RCAN2: variants seen among roughly 807,000 people sequenced by gnomAD.
The protein encoded by RCAN2 is calcipressin-2.
In RCAN2, 9 loss-of-function variants were observed where a neutral mutation model predicts 23.6. The observed-to-expected ratio is 0.38, with a 90% CI of 0.23 to 0.67. The LOEUF (loss-of-function observed/expected upper bound fraction) is 0.67. Ranked by LOEUF, RCAN2 falls within the 30% of genes least tolerant of loss-of-function variation. The pLI is 0.51. For synonymous variants in RCAN2, 109 were observed against 115.7 expected (o/e 0.94, Z 0.37); for missense variants, 273 against 302.3 (o/e 0.90, Z 0.72).
At chr6:46,307,078 A>T (rs902255392) in intron 2 of RCAN2, among the ~76,000 whole-genome samples, 1 of 152,118 alleles carries the variant, frequency 6.6e-6, no homozygotes, top group African/African-American at 2.4e-5. Flanking sequence ...CCCATGCAGA[A>T]CTAGCTTGTG....
intron 2 of RCAN2, among the ~76,000 whole-genome samples, chr6:46,255,125 G>C (rs763720544): frequency 1.3e-5 from 2 of 152,290 alleles, no homozygotes; most frequent in Non-Finnish European, 2.9e-5. Context: ...CAGCCTTGCA[G>C]ACCTACAGAA....
chr6:46,329,728 G>A (rs955594579), intron 2 of RCAN2, among the ~76,000 whole-genome samples: 2 of 152,156 alleles, frequency 1.3e-5, no homozygotes, highest in African/African-American at 2.4e-5. Flanking sequence ...GTCCTTTCCA[G>A]CTGAAGTGGC....
chr6:46,287,341 CACTT>C (rs991506402), intron 2 of RCAN2, among the ~76,000 whole-genome samples: 3 of 152,196 alleles, frequency 2.0e-5, no homozygotes, highest in Admixed American at 6.5e-5. Flanking sequence ...GTTATACAAA[CACTT>C]ACGTAGCCCA....
chr6:46,273,389 G>T (rs1296030733), intron 2 of RCAN2, among the ~76,000 whole-genome samples: 1 of 152,138 alleles, frequency 6.6e-6, no homozygotes, highest in Non-Finnish European at 1.5e-5. Flanking sequence ...TAGCACTTCA[G>T]GGTTTAAAAG....
chr6:46,418,701 A>ATG (rs973447604), intron 2 of RCAN2, among the ~76,000 whole-genome samples: 3 of 92,954 alleles, frequency 3.2e-5, no homozygotes, highest in Non-Finnish European at 6.2e-5. Context: ...GTGTGTATAT[A>ATG]TATATATATA....
At chr6:46,254,646 T>A (rs903538360) in intron 2 of RCAN2, among the ~76,000 whole-genome samples, 3 of 152,094 alleles carry the variant, frequency 2.0e-5, no homozygotes, top group Admixed American at 1.3e-4. Context: ...GAAACACTTA[T>A]TGGCTGAAGA....
intron 4 of RCAN2, among the ~76,000 whole-genome samples, chr6:46,224,936 C>A (rs1051936377): frequency 1.3e-5 from 2 of 151,726 alleles, no homozygotes; most frequent in African/African-American, 4.8e-5. Context: ...CCCCCCCTTC[C>A]CCCACCCCAT....
intron 2 of RCAN2, among the ~76,000 whole-genome samples, chr6:46,410,798 T>C (rs1766529345): frequency 6.6e-6 from 1 of 152,204 alleles, no homozygotes; most frequent in Non-Finnish European, 1.5e-5. Flanking sequence ...ATTTCAAAAA[T>C]ATTCAGTTTT....
At chr6:46,335,974 A>T (rs1485621334) in intron 2 of RCAN2, among the ~76,000 whole-genome samples, 1 of 152,222 alleles carries the variant, frequency 6.6e-6, no homozygotes, top group Non-Finnish European at 1.5e-5. Flanking sequence ...TTGCCCAAGG[A>T]CAACTAGCTG....
intron 2 of RCAN2, among the ~76,000 whole-genome samples, chr6:46,380,359 G>T (rs1311825705): frequency 1.3e-5 from 2 of 152,184 alleles, no homozygotes; most frequent in Admixed American, 1.3e-4. Flanking sequence ...GTGAAAAAAA[G>T]TTCAGTTTCC....
chr6:46,335,410 G>A (rs375936952), intron 2 of RCAN2, among the ~76,000 whole-genome samples: 5 of 152,084 alleles, frequency 3.3e-5, no homozygotes, highest in South Asian at 2.1e-4. Context: ...ACCCAATTCA[G>A]GTATTGTTTC....
At chr6:46,247,372 T>C (rs1039275541) in intron 3 of RCAN2, among the ~76,000 whole-genome samples, 1 of 152,198 alleles carries the variant, frequency 6.6e-6, no homozygotes, top group Non-Finnish European at 1.5e-5. Context: ...CACTTGAAAG[T>C]GAACAGTTCA....
chr6:46,366,507 CT>C (rs1465514924), intron 2 of RCAN2, among the ~76,000 whole-genome samples: 1 of 152,186 alleles, frequency 6.6e-6, no homozygotes, highest in Non-Finnish European at 1.5e-5. Context: ...CTTCCCAAAA[CT>C]TTTCAATTAG....
intron 2 of RCAN2, among the ~76,000 whole-genome samples, chr6:46,377,962 G>T (rs748163209): frequency 6.6e-6 from 1 of 152,096 alleles, no homozygotes; most frequent in African/African-American, 2.4e-5. Context: ...AGGATTAAAA[G>T]GTCACTACAA....
intron 2 of RCAN2, among the ~76,000 whole-genome samples, chr6:46,312,228 A>G (rs532155985): frequency 6.6e-6 from 1 of 152,282 alleles, no homozygotes; most frequent in South Asian, 2.1e-4. Flanking sequence ...TCTTTCTCCT[A>G]GCGTGGTATA....
intron 2 of RCAN2, among the ~76,000 whole-genome samples, chr6:46,449,023 G>A (rs1767797456): frequency 6.6e-6 from 1 of 151,802 alleles, no homozygotes; most frequent in South Asian, 2.1e-4. Context: ...AAACTGGAAA[G>A]GAAGAAGTTA....
intron 2 of RCAN2, among the ~76,000 whole-genome samples, chr6:46,374,855 G>GA (rs71536384): frequency 0.012 from 1,853 of 151,192 alleles, 18 homozygotes; most frequent in Non-Finnish European, 0.02. Flanking sequence ...GCTGGCAAAA[G>GA]AAAAAAAAAT....
chr6:46,385,816 C>T (rs1390427219), intron 2 of RCAN2, among the ~76,000 whole-genome samples: 12 of 146,168 alleles, frequency 8.2e-5, no homozygotes, highest in African/African-American at 3.1e-4. Context: ...AAGATCATGC[C>T]ATTGCACTCC....
At chr6:46,269,488 A>G (rs1292518807) in intron 2 of RCAN2, among the ~76,000 whole-genome samples, 4 of 152,242 alleles carry the variant, frequency 2.6e-5, no homozygotes, top group African/African-American at 9.6e-5. Context: ...TACTTTCTGC[A>G]TAGCTCTGAA....
Sources: gnomAD v4.1 joint callset for allele counts (sites outside exome capture counted in the v4.1 genomes callset) on GRCh38, gnomAD v4.1.1 for gene constraint, MANE v1.5 for transcripts, NCBI Gene and HGNC (gene_info 2026-07-23, HGNC 2026-07-21) for gene names.